DAB1: variants seen among roughly 807,000 people sequenced by gnomAD.
The protein encoded by DAB1 is disabled homolog 1.
DAB1 carries 15 observed loss-of-function variants against 64.6 expected under a neutral mutation model. That is an observed-to-expected ratio of 0.23 (90% CI 0.16 to 0.36). The LOEUF (loss-of-function observed/expected upper bound fraction) is 0.36, where lower values mean the gene tolerates loss of function less well. DAB1 is among the 10% of genes least tolerant of loss of function. The pLI is 1.00. For missense variants in DAB1, 596 were observed against 706.7 expected (o/e 0.84, Z 1.78); for synonymous variants, 235 against 251.9 (o/e 0.93, Z 0.64).
intron 2 of DAB1, among the ~76,000 whole-genome samples, chr1:57,181,646 T>C (rs1268648592): frequency 6.6e-6 from 1 of 152,190 alleles, no homozygotes; most frequent in Non-Finnish European, 1.5e-5. Flanking sequence ...TTATTTCCCC[T>C]TATGATTTGC....
At chr1:58,300,610 A>AAGAAAGAAAG (rs1271283598) in intron 4 of DAB1, among the ~76,000 whole-genome samples, 3 of 47,004 alleles carry the variant, frequency 6.4e-5, no homozygotes, top group Non-Finnish European at 9.5e-5. Context: ...GAAAGAAAGA[A>AAGAAAGAAAG]AGAGAGAGAG....
chr1:57,153,003 A>G (rs1408510328), intron 2 of DAB1, among the ~76,000 whole-genome samples: 1 of 151,688 alleles, frequency 6.6e-6, no homozygotes, highest in East Asian at 1.9e-4. Flanking sequence ...ACATACATGT[A>G]CTACTGATAA....
intron 5 of DAB1, among the ~76,000 whole-genome samples, chr1:58,082,504 A>T (rs935842851): frequency 6.6e-6 from 1 of 152,138 alleles, no homozygotes; most frequent in Non-Finnish European, 1.5e-5. Context: ...ATAAGTAGAA[A>T]TTGTAGCATA....
chr1:57,068,658 A>G (rs1651156835), intron 8 of DAB1, among the ~76,000 whole-genome samples: 2 of 152,342 alleles, frequency 1.3e-5, no homozygotes, highest in Admixed American at 1.3e-4. Flanking sequence ...ATGTGCTGCT[A>G]TACGGCAGTT....
intron 4 of DAB1, among the ~76,000 whole-genome samples, chr1:58,253,482 G>A (rs1253516974): frequency 6.6e-6 from 1 of 152,214 alleles, no homozygotes; most frequent in East Asian, 1.9e-4. Flanking sequence ...ATTAAGAAGA[G>A]GTGTGCACGG....
intron 3 of DAB1, among the ~76,000 whole-genome samples, chr1:58,461,262 T>C (rs1204577151): frequency 1.3e-5 from 2 of 152,234 alleles, no homozygotes; most frequent in Non-Finnish European, 2.9e-5. Flanking sequence ...ACTGTGTTAA[T>C]ATAGAAATAT....
At position 57,412,007 on chromosome 1, in the gene DAB1, G is replaced by A. The variant is rs1322858929; in HGVS notation, c.-137+11923C>T. On this transcript the variant is annotated intron_variant, in intron 1 of 14. Transcript: ENST00000371236. ...TTTTCCAACAGCAGGTGCTCACTTT[G>A]TGTCTCTGTCCTACTTTGGTAATTC... Among the ~76,000 whole-genome samples, 4 of 152,152 alleles carry A rather than the reference G, an allele frequency of 2.6e-5. No individual in the cohort carries two copies. The East Asian group carries it at 7.7e-4, about 29-fold the overall frequency.
chr1:58,311,398 C>T (rs1662425235), intron 4 of DAB1, among the ~76,000 whole-genome samples: 1 of 61,634 alleles, frequency 1.6e-5, no homozygotes, highest in African/African-American at 1.4e-4. Flanking sequence ...CCTTGGGCTC[C>T]TAATAAAAAT....
intron 5 of DAB1, among the ~76,000 whole-genome samples, chr1:57,943,483 C>T (rs1395042796): frequency 3.3e-5 from 5 of 152,198 alleles, no homozygotes; most frequent in Admixed American, 2.6e-4. Flanking sequence ...TCCACCCCTG[C>T]CTCCCATTGG....
At chr1:57,465,974 T>C (rs1686942259) in intron 7 of DAB1, among the ~76,000 whole-genome samples, 1 of 152,192 alleles carries the variant, frequency 6.6e-6, no homozygotes, top group African/African-American at 2.4e-5. Flanking sequence ...CTAAGTTCTG[T>C]TCTTGGAGGT....
rs1179653914 is a variant in DAB1 at position 58,300,590 on chromosome 1, AAGAAAGAAAGAAAGAAAGAAAGAGAGAG to A, written n.309+42734_309+42761del. On this transcript the variant is annotated intron_variant and non_coding_transcript_variant, in intron 4 of 20. Coordinates refer to the DAB1 transcript ENST00000485760. ...AAAGAAAGAAAGAAAGAAAGAAAGA[AAGAAAGAAAGAAAGAAAGAAAGAGAGAG>A]AGAGAGAGAGAGAGAGAGAGAGAGA... Among the ~76,000 whole-genome samples, 82 of 30,172 alleles carry A rather than the reference AAGAAAGAAAGAAAGAAAGAAAGAGAGAG, an allele frequency of 2.7e-3. 1 individual carries two copies. The highest frequency in any genetic ancestry group is 5.2e-3 in the African/African-American group (54 of 10,332). The allele number at this position is 30,172 out of a possible 152,430, so 19.8% of individuals were successfully genotyped here.
chr1:57,109,385 C>T (rs1007162202), intron 4 of DAB1, among the ~76,000 whole-genome samples: 1 of 152,160 alleles, frequency 6.6e-6, no homozygotes, highest in South Asian at 2.1e-4. Flanking sequence ...TCGTTTTGAA[C>T]ACCCAGCAGA....
intron 7 of DAB1, among the ~76,000 whole-genome samples, chr1:57,572,832 G>T (rs568571320): frequency 6.6e-5 from 10 of 152,216 alleles, no homozygotes; most frequent in South Asian, 6.2e-4. Context: ...GGTGAAGGGG[G>T]AGCAGACACA....
At chr1:58,346,958 C>T (rs1040916465) in intron 3 of DAB1, among the ~76,000 whole-genome samples, 8 of 152,226 alleles carry the variant, frequency 5.3e-5, no homozygotes, top group African/African-American at 1.9e-4. Flanking sequence ...CTTTGGGCTA[C>T]TTACCTAACC....
At chr1:58,373,278 C>T (rs892641519) in intron 3 of DAB1, among the ~76,000 whole-genome samples, 1 of 144,454 alleles carries the variant, frequency 6.9e-6, no homozygotes, top group Admixed American at 7.3e-5. Flanking sequence ...CCCACTAACT[C>T]GTCATCTAGC....
chr1:58,047,452 A>T (rs1647311406), intron 5 of DAB1, among the ~76,000 whole-genome samples: 1 of 152,112 alleles, frequency 6.6e-6, no homozygotes, highest in Non-Finnish European at 1.5e-5. Context: ...CCTCTGGTGG[A>T]TGTACAGGTG....
chr1:58,220,917 T>C (rs1167773478), intron 4 of DAB1, among the ~76,000 whole-genome samples: 1 of 151,750 alleles, frequency 6.6e-6, no homozygotes, highest in African/African-American at 2.4e-5. Context: ...TGTGAATACA[T>C]TTTGCAAACA....
At chr1:57,786,278 T>C (rs1356119912) in intron 6 of DAB1, among the ~76,000 whole-genome samples, 1 of 152,186 alleles carries the variant, frequency 6.6e-6, no homozygotes, top group African/African-American at 2.4e-5. Flanking sequence ...TGAACTTCGT[T>C]GTGGCCTGGC....
intron 3 of DAB1, among the ~76,000 whole-genome samples, chr1:58,388,999 G>A (rs908090926): frequency 6.6e-6 from 1 of 152,210 alleles, no homozygotes; most frequent in Non-Finnish European, 1.5e-5. Context: ...ACATGAAGCA[G>A]GCAACAAACA....
Sources: allele counts gnomAD v4.1 joint callset (sites outside exome capture counted in the v4.1 genomes callset), GRCh38; gene constraint gnomAD v4.1.1; transcripts MANE v1.5; gene names NCBI Gene and HGNC (gene_info 2026-07-23, HGNC 2026-07-21).